TGFB2: variants seen among roughly 807,000 people sequenced by gnomAD.
The protein encoded by TGFB2 is transforming growth factor beta-2 proprotein.
TGFB2 carries 13 observed loss-of-function variants against 42.7 expected under a neutral mutation model. The ratio of observed to expected loss-of-function variants is 0.30; its 90% CI spans 0.20 to 0.48. The LOEUF is 0.48. Among genes scored for constraint, TGFB2 ranks in the 20% least tolerant of loss-of-function variants. The probability of loss-of-function intolerance (pLI) is 0.99; values close to 1 mark genes in which losing one functional copy is unlikely to be tolerated. For synonymous variants in TGFB2, 193 were observed against 193.6 expected, an observed-to-expected ratio of 1.00 and a Z score of 0.03; for missense variants, 390 against 517.5, an observed-to-expected ratio of 0.75 and a Z score of 2.39.
At chr1:218,371,897 G>A (rs1390234177) in intron 1 of TGFB2, among the ~76,000 whole-genome samples, 1 of 152,180 alleles carries the variant, frequency 6.6e-6, no homozygotes, top group East Asian at 1.9e-4. Context: ...AGTCTCTTGA[G>A]AATGACCCAC....
chr1:218,377,859 A>G (rs1416945996), intron 1 of TGFB2, among the ~76,000 whole-genome samples: 3 of 152,180 alleles, frequency 2.0e-5, no homozygotes, highest in Non-Finnish European at 4.4e-5. Context: ...ATATAACCCC[A>G]GCATCCATCT....
rs1243420038 is a variant in TGFB2 at position 218,372,963 on chromosome 1, G to T, written c.346+25916G>T. Among the ~76,000 whole-genome samples, 3 of 152,090 alleles carry T rather than the reference G, an allele frequency of 2.0e-5. No individual in the cohort carries two copies. The East Asian group carries it at 5.8e-4, about 29-fold the overall frequency. On this transcript the variant is annotated intron_variant, in intron 1 of 6. Coordinates refer to ENST00000366930, the MANE Select transcript of TGFB2 (RefSeq NM_003238.6). ...AGACTGAGGTGGGCGGATCACCTGA[G>T]GTCAGGAGTTCAAGACCAGCCTGAT...
intron 2 of TGFB2, among the ~76,000 whole-genome samples, chr1:218,413,797 C>T (rs987692184): frequency 3.3e-5 from 5 of 152,172 alleles, no homozygotes; most frequent in African/African-American, 1.2e-4. Context: ...AAACAGTAAC[C>T]AGCTTGTCAA....
intron 1 of TGFB2, among the ~76,000 whole-genome samples, chr1:218,368,854 AG>A (rs2102551841): frequency 6.6e-6 from 1 of 152,294 alleles, no homozygotes; most frequent in South Asian, 2.1e-4. Context: ...AGAGATAATG[AG>A]GGATAAGTGA....
At position 218,345,835 on chromosome 1, in the gene TGFB2, C is replaced by T. The variant is rs1393194017; in HGVS notation, c.-867C>T. On this transcript the variant is annotated 5_prime_UTR_variant, in exon 1 of 7. Transcript: ENST00000366930. ...AGCAGGAGAAGGAGGGAGCTGGAGG[C>T]TGGAAGCGTTTGCAAGCGGCGGCGG... Among the ~76,000 whole-genome samples, 7 of 152,082 alleles carry T rather than the reference C, an allele frequency of 4.6e-5. No individual in the cohort carries two copies. The highest frequency in any genetic ancestry group is 9.7e-5 in the African/African-American group (4 of 41,422).
At chr1:218,438,297 TA>T (rs943888402) in intron 6 of TGFB2, among the ~76,000 whole-genome samples, 417 of 149,406 alleles carry the variant, frequency 2.8e-3, no homozygotes, top group Non-Finnish European at 4.1e-3. Context: ...GGTCTCCATC[TA>T]AAAAAAAAAT....
intron 1 of TGFB2, among the ~76,000 whole-genome samples, chr1:218,352,048 G>T (rs1656883476): frequency 6.6e-6 from 1 of 152,084 alleles, no homozygotes; most frequent in Non-Finnish European, 1.5e-5. Flanking sequence ...CCTGGGAGAG[G>T]TGTGCAGGGT....
intron 2 of TGFB2, among the ~76,000 whole-genome samples, chr1:218,426,040 T>G (rs1659611963): frequency 1.3e-5 from 2 of 152,184 alleles, no homozygotes; most frequent in Non-Finnish European, 2.9e-5. Context: ...TTAAACATAT[T>G]TAAAGCGTTA....
intron 1 of TGFB2, among the ~76,000 whole-genome samples, chr1:218,373,643 C>T (rs915404533): frequency 5.3e-5 from 8 of 151,958 alleles, no homozygotes; most frequent in South Asian, 2.1e-4. Flanking sequence ...AATTTCCTCA[C>T]GATCACACAG....
At chr1:218,424,835 G>C (rs552937274) in intron 2 of TGFB2, among the ~76,000 whole-genome samples, 1 of 152,328 alleles carries the variant, frequency 6.6e-6, no homozygotes, top group South Asian at 2.1e-4. Context: ...GTAGTGACCA[G>C]AACAAGGGAA....
intron 1 of TGFB2, among the ~76,000 whole-genome samples, chr1:218,376,474 T>C (rs964625964): frequency 2.6e-5 from 4 of 152,176 alleles, no homozygotes; most frequent in Non-Finnish European, 5.9e-5. Context: ...TGCAGATGAA[T>C]AAAAAATGAG....
chr1:218,354,016 T>C (rs1424934325), intron 1 of TGFB2, among the ~76,000 whole-genome samples: 1 of 152,240 alleles, frequency 6.6e-6, no homozygotes, highest in African/African-American at 2.4e-5. Context: ...ATACTGATGG[T>C]TATCTCTATC....
At chr1:218,363,808 T>C (rs947009616) in intron 1 of TGFB2, among the ~76,000 whole-genome samples, 7 of 152,190 alleles carry the variant, frequency 4.6e-5, no homozygotes, top group African/African-American at 1.2e-4. Flanking sequence ...TCTATGTTCT[T>C]GTTCTTGACA....
intron 5 of TGFB2, 22 bp downstream of exon 5, chr1:218,436,169 C>G (rs368738712): frequency 6.2e-7 from 1 of 1,603,338 alleles, no homozygotes; most frequent in Non-Finnish European, 8.5e-7. Flanking sequence ...AAAAGTAAAA[C>G]CAAGTAATTG....
rs1659129017 is a variant in TGFB2 at position 218,412,357 on chromosome 1, G to C, written c.510+7025G>C. On this transcript the variant is annotated intron_variant, in intron 2 of 6. Coordinates refer to ENST00000366930, the MANE Select transcript of TGFB2 (RefSeq NM_003238.6). ...TCGTGGGCAGACATGTAATTCCAAG[G>C]AACTGAGCCATATGCCTGAATCAAG... Among the ~76,000 whole-genome samples the C allele has an allele frequency of 2.0e-5, 3 of 152,166 alleles. No individual in the cohort carries two copies. In the South Asian group the frequency reaches 6.2e-4, roughly 31 times the overall value.
chr1:218,364,225 A>G (rs899016667), intron 1 of TGFB2, among the ~76,000 whole-genome samples: 2 of 152,178 alleles, frequency 1.3e-5, no homozygotes, highest in Admixed American at 1.3e-4. Flanking sequence ...CCCTCAGCCA[A>G]CTGGACCTGT....
intron 2 of TGFB2, among the ~76,000 whole-genome samples, chr1:218,423,968 C>T (rs538688436): frequency 1.3e-4 from 20 of 152,352 alleles, no homozygotes; most frequent in African/African-American, 3.8e-4. Flanking sequence ...CTTTTCGCTA[C>T]GCTAATGATT....
chr1:218,441,096 G>A, intron 6 of TGFB2, 108 bp from the exon 7 acceptor site: 1 of 1,017,262 alleles, frequency 9.8e-7, no homozygotes, highest in Non-Finnish European at 1.4e-6. Context: ...ATTTTAAATT[G>A]CCTACTCAGT....
At chr1:218,422,738 T>A (rs1015709470) in intron 2 of TGFB2, among the ~76,000 whole-genome samples, 1 of 152,158 alleles carries the variant, frequency 6.6e-6, no homozygotes, top group Non-Finnish European at 1.5e-5. Context: ...ATGTCTATAT[T>A]CCCTTACTAC....
Sources: allele counts gnomAD v4.1 joint callset (sites outside exome capture counted in the v4.1 genomes callset), GRCh38; gene constraint gnomAD v4.1.1; transcripts MANE v1.5; gene names NCBI Gene and HGNC (gene_info 2026-07-23, HGNC 2026-07-21).